Variants in IL6ST observed in about 807,000 individuals in gnomAD.
IL6ST encodes interleukin 6 cytokine family signal transducer.
In IL6ST, 24 loss-of-function variants were observed where a neutral mutation model predicts 91.3. The ratio of observed to expected loss-of-function variants is 0.26; its 90% CI spans 0.19 to 0.37. IL6ST has a LOEUF of 0.37. IL6ST is among the 10% of genes least tolerant of loss of function. The pLI is 1.00. For missense variants in IL6ST, 914 were observed against 1,078.5 expected, an observed-to-expected ratio of 0.85 and a Z score of 2.14; for synonymous variants, 351 against 373.6, an observed-to-expected ratio of 0.94 and a Z score of 0.70.
In IL6ST at chr5:55,937,796, T is replaced by C. The variant is rs3188805; in HGVS notation, c.*3286A>G. The C allele has an allele frequency of 5.2e-6, 1 of 193,152 alleles. No individual in the cohort carries two copies. Among genetic ancestry groups the C allele is most frequent in the Middle Eastern group, 1.9e-3 (1 of 534 alleles). 12.0% of individuals were successfully genotyped at this position (193,152 alleles called of 1,614,324 possible). A position where few individuals can be genotyped will look rare whatever the true frequency, so the allele number is the denominator to read the frequency against. On this transcript the variant is annotated 3_prime_UTR_variant, in exon 17 of 17. Coordinates refer to ENST00000381298, the MANE Select transcript of IL6ST (RefSeq NM_002184.4). ...TTATAACTTTGTTATTTTATTCATCTCAACAAAATAAAACTTTATTGAAAC... is the reference window on the plus strand; with the variant it reads ...TTATAACTTTGTTATTTTATTCATCCCAACAAAATAAAACTTTATTGAAAC...
intron 5 of IL6ST, among the ~76,000 whole-genome samples, chr5:55,966,663 AGAGAT>A (rs1752648057): frequency 6.6e-6 from 1 of 152,226 alleles, no homozygotes; most frequent in Admixed American, 6.5e-5. Context: ...TACATAAAAA[AGAGAT>A]AGATTGAGAG....
intron 3 of IL6ST, among the ~76,000 whole-genome samples, chr5:55,974,237 A>G (rs752866957): frequency 3.3e-5 from 5 of 152,226 alleles, no homozygotes; most frequent in Non-Finnish European, 7.3e-5. Flanking sequence ...AGACAACAAT[A>G]ACCTTTATAA....
At chr5:55,970,476 C>A (rs1219837500) in intron 3 of IL6ST, among the ~76,000 whole-genome samples, 1 of 152,036 alleles carries the variant, frequency 6.6e-6, no homozygotes, top group Non-Finnish European at 1.5e-5. Context: ...CGCTCGAGCT[C>A]AGGAGTTTGA....
rs1580766820 is a variant in IL6ST, at chr5:55,935,889, T to C, written c.*5193A>G. ...TTTCCAAAGCAGGATGGACTGTATC[T>C]ATCATACACATTAGGATAAGATGAG... On this transcript the variant is annotated 3_prime_UTR_variant, in exon 17 of 17. Coordinates refer to ENST00000381298, the MANE Select transcript of IL6ST (RefSeq NM_002184.4). 3 of 218,818 alleles carry C rather than the reference T, an allele frequency of 1.4e-5. No homozygotes were observed. The highest frequency in any genetic ancestry group is 1.8e-4 in the South Asian group (1 of 5,418). The allele number at this position is 218,818 out of a possible 1,614,324, so 13.6% of individuals were successfully genotyped here.
intron 3 of IL6ST, among the ~76,000 whole-genome samples, chr5:55,975,702 G>A (rs1033834551): frequency 2.5e-4 from 38 of 152,060 alleles, no homozygotes; most frequent in African/African-American, 9.2e-4. Context: ...AGGCAACTAA[G>A]AGAAGAATCA....
chr5:55,985,538 A>T (rs890539223), intron 1 of IL6ST, among the ~76,000 whole-genome samples: 7 of 151,974 alleles, frequency 4.6e-5, no homozygotes, highest in Non-Finnish European at 7.4e-5. Flanking sequence ...AAAAAATATA[A>T]AAAATAAAAA....
In IL6ST at chr5:55,938,036, TTTAA is replaced by T. The variant is rs1750646259; in HGVS notation, c.*3042_*3045del. 2 of 188,634 alleles carry T rather than the reference TTTAA, an allele frequency of 1.1e-5. No homozygotes were observed. The highest frequency in any genetic ancestry group is 2.2e-5 in the Non-Finnish European group (2 of 89,550). 11.7% of individuals were successfully genotyped at this position (188,634 alleles called of 1,614,324 possible). On this transcript the variant is annotated 3_prime_UTR_variant, in exon 17 of 17. Coordinates refer to ENST00000381298, the MANE Select transcript of IL6ST (RefSeq NM_002184.4). ...GTTAAATGGGTAGAAAAAAGACATC[TTTAA>T]TAATTGATTTCTATTTCTCAAACTA... is the stretch of plus-strand genomic sequence containing the variant.
In IL6ST at chr5:55,960,393, T is replaced by C. The variant is rs1464882989; in HGVS notation, c.973+9A>G. ...ATAGCTTTACTTCTTCATATACTTA[T>C]GTACTTACTATCTTCATAGGTGATC... On this transcript the variant is annotated intron_variant, in intron 8 of 16. Transcript: ENST00000381298. The C allele has an allele frequency of 1.2e-6, 2 of 1,609,462 alleles. No homozygotes were observed. The highest frequency in any genetic ancestry group is 1.1e-5 in the South Asian group (1 of 90,538).
At position 55,940,001 on chromosome 5, in the gene IL6ST, T is replaced by A. The variant is rs1469852082; in HGVS notation, c.*1081A>T. On this transcript the variant is annotated 3_prime_UTR_variant, in exon 17 of 17. Transcript: ENST00000381298. ...CAAACATTTACTAAAAATAAAAAAA[T>A]TTAAATCTTTGCCTACTTATTTAAA... The A allele has an allele frequency of 2.5e-5, 5 of 200,684 alleles. No homozygotes were observed. The highest frequency in any genetic ancestry group is 5.1e-5 in the Non-Finnish European group (5 of 98,316). The allele number at this position is 200,684 out of a possible 1,614,324, so 12.4% of individuals were successfully genotyped here.
At position 55,976,219 on chromosome 5, in the gene IL6ST, A is replaced by G. The variant is rs1297215139; in HGVS notation, c.60T>C (p.Ser20=). 6 of 1,563,058 alleles carry G rather than the reference A, an allele frequency of 3.8e-6. No individual in the cohort carries two copies. Among genetic ancestry groups the G allele is most frequent in the Non-Finnish European group, 5.2e-6 (6 of 1,149,300 alleles). The change falls in exon 3 of 17, where the codon TCT becomes TCC. Residue 20 remains serine (S), a synonymous_variant. Coordinates refer to ENST00000381298, the MANE Select transcript of IL6ST (RefSeq NM_002184.4). ...AGGGTATTTCATGAACCTTACCTGT[A>G]GATTCAGTGGTGAGGAAAATAAACA... The part of the protein sequence containing the change: ...QALFIFLTTE[S]TGELLDPCGY...
intron 4 of IL6ST, among the ~76,000 whole-genome samples, chr5:55,969,007 A>G (rs1319939011): frequency 2.4e-4 from 37 of 152,312 alleles, no homozygotes; most frequent in Non-Finnish European, 1.0e-4. Flanking sequence ...CAGCCTGGCC[A>G]ACATGGCGAA....
At chr5:55,975,507 T>C (rs916213941) in intron 3 of IL6ST, among the ~76,000 whole-genome samples, 2 of 152,182 alleles carry the variant, frequency 1.3e-5, no homozygotes, top group Non-Finnish European at 2.9e-5. Context: ...TATTTCTTTA[T>C]AGCAGTGTGA....
intron 2 of IL6ST, 30 bp downstream of exon 2, chr5:55,982,694 C>A: frequency 2.5e-6 from 1 of 397,828 alleles, no homozygotes; most frequent in South Asian, 1.3e-4. Flanking sequence ...AATAAAAAAA[C>A]AAAAAATTCA....
In IL6ST at chr5:55,969,581, C is replaced by G; in HGVS notation, c.339G>C (p.Gln113His). 6.2e-7 allele frequency: 1 copy of G among 1,612,024 alleles called. No individual in the cohort carries two copies. The highest frequency in any genetic ancestry group is 8.5e-7 in the Non-Finnish European group (1 of 1,178,794). ...CNILTFGQLEQNVYGITIISG... is the reference protein window; with the variant it reads ...CNILTFGQLEHNVYGITIISG... ...AAATTATTGTGATTCCATAAACATT[C>G]TGTTCAAGCTGTCCGAATGTAAGAA... The change falls in exon 4 of 17, where the codon CAG (glutamine) becomes CAC (histidine). Residue 113 changes from glutamine to histidine, a missense_variant. By Grantham distance (24) the Gln-to-His change is conservative. Coordinates refer to ENST00000381298, the MANE Select transcript of IL6ST (RefSeq NM_002184.4).
intron 1 of IL6ST, among the ~76,000 whole-genome samples, chr5:55,988,017 G>C (rs571895898): frequency 2.1e-4 from 32 of 151,980 alleles, no homozygotes; most frequent in Non-Finnish European, 3.5e-4. Flanking sequence ...TATAGTCCCA[G>C]CTACTTGGGA....
chr5:55,988,678 A>C (rs1754132243), intron 1 of IL6ST, among the ~76,000 whole-genome samples: 1 of 151,706 alleles, frequency 6.6e-6, no homozygotes, highest in African/African-American at 2.4e-5. Flanking sequence ...AGGCAGGAGA[A>C]TCACTTGAAC....
intron 7 of IL6ST, among the ~76,000 whole-genome samples, chr5:55,962,416 C>CTT (rs1368287862): frequency 6.6e-6 from 1 of 152,112 alleles, no homozygotes; most frequent in Non-Finnish European, 1.5e-5. Context: ...TGGTGATAGC[C>CTT]TTTTTAAAAG....
chr5:55,968,205 T>C, intron 5 of IL6ST, 71 bp downstream of exon 5: 1 of 1,263,764 alleles, frequency 7.9e-7, no homozygotes, highest in Non-Finnish European at 1.1e-6. Flanking sequence ...TATTACTTGG[T>C]AAAATAAAAA....
intron 2 of IL6ST, among the ~76,000 whole-genome samples, chr5:55,977,237 T>C (rs1000446600): frequency 6.6e-6 from 1 of 151,620 alleles, no homozygotes; most frequent in Admixed American, 6.6e-5. Flanking sequence ...AGGTTATACA[T>C]TGTATAACTC....
Sources: allele counts gnomAD v4.1 joint callset (sites outside exome capture counted in the v4.1 genomes callset), GRCh38; gene constraint gnomAD v4.1.1; transcripts MANE v1.5; gene names NCBI Gene and HGNC (gene_info 2026-07-23, HGNC 2026-07-21).